The following CKMT2 variants were observed in gnomAD, a reference collection of about 807,000 sequenced individuals.
CKMT2 encodes creatine kinase, mitochondrial 2.
Under a neutral mutation model 48.9 loss-of-function variants are expected in CKMT2, and 43 were observed. That is an observed-to-expected ratio of 0.88 (90% CI 0.69 to 1.13). CKMT2 has a LOEUF of 1.13. CKMT2 is among the 50% of genes most tolerant of loss of function. CKMT2 has a pLI of 0.00. For synonymous variants in CKMT2, 206 were observed against 213.0 expected (o/e 0.97, Z 0.29); for missense variants, 472 against 555.4 (o/e 0.85, Z 1.51).
At chr5:81,242,273 A>G (rs1431918875) in intron 1 of CKMT2, 1 of 298,462 alleles carries the variant, frequency 3.4e-6, no homozygotes, top group South Asian at 3.6e-5. Flanking sequence ...GTCACATCAT[A>G]TAAGTAGATT....
At chr5:81,257,141 A>AGTGTGTGTGTGTGT (rs3830407) in intron 6 of CKMT2, 141 bp downstream of exon 6, 36 of 499,128 alleles carry the variant, frequency 7.2e-5, no homozygotes, top group African/African-American at 3.6e-4. Context: ...CTACTTGGAA[A>AGTGTGTGTGTGTGT]GTGTGTGTGT....
intron 6 of CKMT2, 141 bp downstream of exon 6, chr5:81,257,141 A>AGTGTGTGTGTGTGTGTGT (rs3830407): frequency 1.3e-4 from 64 of 499,132 alleles, no homozygotes; most frequent in African/African-American, 1.2e-3. Flanking sequence ...CTACTTGGAA[A>AGTGTGTGTGTGTGTGTGT]GTGTGTGTGT....
At chr5:81,251,846 C>T (rs1756827072) in intron 2 of CKMT2, 1 of 153,050 alleles carries the variant, frequency 6.5e-6, no homozygotes, top group Non-Finnish European at 1.5e-5. Flanking sequence ...TTGTGGAGCA[C>T]TTTTATGTGT....
At chr5:81,259,290 G>T (rs377334823) in intron 8 of CKMT2, 36 bp downstream of exon 8, 425 of 1,595,492 alleles carry the variant, frequency 2.7e-4, no homozygotes, top group Non-Finnish European at 3.5e-4. Flanking sequence ...GATGGGCCAG[G>T]ATCAGCTCAG....
At chr5:81,248,529 A>T (rs1189670818) in intron 1 of CKMT2, among the ~76,000 whole-genome samples, 1 of 152,222 alleles carries the variant, frequency 6.6e-6, no homozygotes, top group African/African-American at 2.4e-5. Context: ...GCCGTTATCT[A>T]TTCTTGGAGG....
In CKMT2 at chr5:81,259,239, C is replaced by G; in HGVS notation, c.999C>G (p.Ile333Met). The G allele has an allele frequency of 6.2e-7, 1 of 1,613,924 alleles. No homozygotes were observed. The highest frequency in any genetic ancestry group is 1.1e-5 in the South Asian group (1 of 91,020). The part of the protein sequence containing the change: ...TGLRAGVHVR[I>M]PKLSKDPRFS... ...TACGAGCTGGTGTCCACGTTAGGAT[C>G]CCAAAGCTCAGCAAGGTACTGTTAT... is the stretch of plus-strand genomic sequence containing the variant. Residue 333 changes from isoleucine to methionine, a missense_variant, in exon 8 of 10, where the codon ATC (isoleucine) becomes ATG (methionine). By Grantham distance (10) the Ile-to-Met change is conservative. Transcript: ENST00000254035.
Position 81,259,186 on chromosome 5 carries a change from A to T in CKMT2, c.946A>T (p.Thr316Ser). Reference sequence around the variant, plus strand: ...GAATGAGCGCCTAGGATACATTTTGACCTGTCCTTCGAACCTTGGAACAGG... The same window carrying T: ...GAATGAGCGCCTAGGATACATTTTGTCCTGTCCTTCGAACCTTGGAACAGG... ...MWNERLGYIL[T>S]CPSNLGTGLR... is the part of the protein sequence containing the mutation. The change falls in exon 8 of 10, where the codon ACC (threonine) becomes TCC (serine). Residue 316 changes from threonine (T) to serine (S), a missense_variant. Transcript: ENST00000254035. The T allele has an allele frequency of 1.9e-6, 3 of 1,613,986 alleles. No homozygotes were observed. The highest frequency in any genetic ancestry group is 2.5e-6 in the Non-Finnish European group (3 of 1,179,944).
chr5:81,244,193 C>A lies in CKMT2; in HGVS notation c.-20-6920C>A, dbSNP rs1580436751. ...GGCCACTTTTCACTAACAGAAGTCA[C>A]AAGCCAAGTGAGGTAAAGTTCCTTA... On this transcript the variant is annotated intron_variant, in intron 1 of 9. Coordinates refer to ENST00000254035, the MANE Select transcript of CKMT2 (RefSeq NM_001099735.2). The A allele has an allele frequency of 8.1e-6, 8 of 985,328 alleles. 1 individual carries two copies. The East Asian group carries it at 9.1e-4, about 112-fold the overall frequency. The allele number at this position is 985,328 out of a possible 1,614,324, so 61.0% of individuals were successfully genotyped here.
At chr5:81,261,263 A>C (rs559579873) in intron 8 of CKMT2, among the ~76,000 whole-genome samples, 23 of 152,020 alleles carry the variant, frequency 1.5e-4, no homozygotes, top group Admixed American at 5.9e-4. Context: ...CAACAGGCAA[A>C]AGCTGGAAGC....
intron 9 of CKMT2, among the ~76,000 whole-genome samples, chr5:81,265,437 G>A (rs2112832282): frequency 6.6e-6 from 1 of 152,148 alleles, no homozygotes; most frequent in Non-Finnish European, 1.5e-5. Context: ...TATAATGTAT[G>A]TCTGGAATTA....
intron 1 of CKMT2, chr5:81,244,156 C>T: frequency 1.0e-6 from 1 of 985,436 alleles, no homozygotes; most frequent in Non-Finnish European, 1.2e-6. Context: ...TCCTCCACAG[C>T]ATAGGCCAGC....
intron 1 of CKMT2, chr5:81,245,036 A>C (rs1756562555): frequency 6.6e-6 from 1 of 152,136 alleles, no homozygotes; most frequent in Non-Finnish European, 1.5e-5. Context: ...TATTTTTAGT[A>C]GAGACAGGGT....
At position 81,252,771 on chromosome 5, in the gene CKMT2, C is replaced by T. The variant is rs140687986; in HGVS notation, c.229C>T (p.Arg77Cys). 1.3e-5 allele frequency: 21 copies of T among 1,614,228 alleles called. No individual in the cohort carries two copies. Among genetic ancestry groups the T allele is most frequent in the East Asian group, 4.5e-5 (2 of 44,880 alleles). Reference protein sequence around the residue: ...CLTPAIYAKLRNKVTPNGYTL... With the variant: ...CLTPAIYAKLCNKVTPNGYTL... ...CACCCCCGCCATTTATGCCAAGCTT[C>T]GCAACAAGGTGACACCCAACGGCTA... is the stretch of plus-strand genomic sequence containing the variant. The change falls in exon 3 of 10, where the codon CGC becomes TGC. Residue 77 changes from arginine (R) to cysteine (C), a missense_variant. Coordinates refer to ENST00000254035, the MANE Select transcript of CKMT2 (RefSeq NM_001099735.2).
intron 8 of CKMT2, among the ~76,000 whole-genome samples, chr5:81,260,037 A>G (rs913177344): frequency 6.6e-6 from 1 of 152,226 alleles, no homozygotes; most frequent in Admixed American, 6.5e-5. Context: ...CCACAGTGCA[A>G]TCAAATTAGA....
chr5:81,247,027 G>A (rs1756634992), intron 1 of CKMT2: 1 of 152,226 alleles, frequency 6.6e-6, no homozygotes, highest in Non-Finnish European at 1.5e-5. Flanking sequence ...GCTGTGAGAT[G>A]CTCCTGCTGT....
intron 7 of CKMT2, 80 bp downstream of exon 7, chr5:81,257,936 G>C (rs1757074689): frequency 7.2e-7 from 1 of 1,391,944 alleles, no homozygotes; most frequent in Non-Finnish European, 9.7e-7. Flanking sequence ...AGACACTATG[G>C]TAACTTCCAA....
chr5:81,245,566 G>A (rs1756580851), intron 1 of CKMT2, among the ~76,000 whole-genome samples: 1 of 152,218 alleles, frequency 6.6e-6, no homozygotes, highest in Non-Finnish European at 1.5e-5. Flanking sequence ...TCGTCTGTGA[G>A]TTGAAGAGAA....
At chr5:81,248,493 G>C (rs1756685824) in intron 1 of CKMT2, among the ~76,000 whole-genome samples, 1 of 152,210 alleles carries the variant, frequency 6.6e-6, no homozygotes, top group Non-Finnish European at 1.5e-5. Flanking sequence ...CAAGGACCAG[G>C]AAGCACTGGT....
intron 1 of CKMT2, among the ~76,000 whole-genome samples, chr5:81,234,872 A>G (rs1756204147): frequency 6.6e-6 from 1 of 152,090 alleles, no homozygotes; most frequent in Non-Finnish European, 1.5e-5. Flanking sequence ...AGCAGGCTCC[A>G]TTTGTCTTCC....
Sources: gnomAD v4.1 joint callset for allele counts (sites outside exome capture counted in the v4.1 genomes callset) on GRCh38, gnomAD v4.1.1 for gene constraint, MANE v1.5 for transcripts, NCBI Gene and HGNC (gene_info 2026-07-23, HGNC 2026-07-21) for gene names.